The following PPP1R1C variants were observed in gnomAD, a reference collection of about 807,000 sequenced individuals.
The protein encoded by PPP1R1C is protein phosphatase 1 regulatory subunit 1C.
PPP1R1C carries 15 observed loss-of-function variants against 17.4 expected under a neutral mutation model. That is an observed-to-expected ratio of 0.86 (90% CI 0.58 to 1.33). The LOEUF (loss-of-function observed/expected upper bound fraction) is 1.33, where lower values mean the gene tolerates loss of function less well. Among genes scored for constraint, PPP1R1C ranks in the 40% most tolerant of loss-of-function variants. PPP1R1C has a pLI of 0.00. For synonymous variants in PPP1R1C, 35 were observed against 43.1 expected (o/e 0.81, Z 0.73); for missense variants, 143 against 130.0 (o/e 1.10, Z -0.48).
intron 2 of PPP1R1C, among the ~76,000 whole-genome samples, chr2:182,031,222 C>T (rs1005996309): frequency 1.3e-5 from 2 of 152,214 alleles, no homozygotes; most frequent in Admixed American, 6.5e-5. Flanking sequence ...CCTATTCGGC[C>T]ATCTTGGCTC....
chr2:181,961,850 G>C lies in PPP1R1C; in HGVS notation n.111+7216G>C. Reference sequence around the variant, plus strand: ...TCTTCGTGGTTCTTCTTCATGAAGAGCAGCTCCTCCTTGAGAGCCTCCATC... The same window carrying C: ...TCTTCGTGGTTCTTCTTCATGAAGACCAGCTCCTCCTTGAGAGCCTCCATC... On this transcript the variant is annotated intron_variant and non_coding_transcript_variant, in intron 1 of 5. Transcript: ENST00000464264. This position sits in a 1 kb window ranked among gnomAD's most constrained non-coding sequence, Gnocchi z 5.8. 1 of 896,272 alleles carries C rather than the reference G, an allele frequency of 1.1e-6. No homozygotes were observed. Among genetic ancestry groups the C allele is most frequent in the South Asian group, 1.3e-5 (1 of 77,114 alleles). 55.5% of individuals were successfully genotyped at this position (896,272 alleles called of 1,614,324 possible).
At chr2:182,090,649 G>T (rs1268012802) in intron 4 of PPP1R1C, among the ~76,000 whole-genome samples, 1 of 152,106 alleles carries the variant, frequency 6.6e-6, no homozygotes, top group African/African-American at 2.4e-5. Context: ...AAACATTCCA[G>T]ATGCAATCTT....
chr2:181,969,849 C>A (rs765079586), intron 1 of PPP1R1C, among the ~76,000 whole-genome samples: 1 of 152,176 alleles, frequency 6.6e-6, no homozygotes, highest in Non-Finnish European at 1.5e-5. Context: ...TCTTCAAGTT[C>A]ATCAGTTCTT....
intron 2 of PPP1R1C, among the ~76,000 whole-genome samples, chr2:182,032,922 T>C (rs764505410): frequency 2.0e-5 from 3 of 152,222 alleles, no homozygotes; most frequent in Non-Finnish European, 2.9e-5. Context: ...CCTCATCTTC[T>C]GCCCTTCAGA....
intron 4 of PPP1R1C, among the ~76,000 whole-genome samples, chr2:182,111,590 A>C (rs1028045478): frequency 6.6e-6 from 1 of 152,108 alleles, no homozygotes; most frequent in Non-Finnish European, 1.5e-5. Context: ...ATGAATGACA[A>C]GAGGATTGAA....
chr2:182,110,671 C>A (rs1180020236), intron 4 of PPP1R1C, among the ~76,000 whole-genome samples: 1 of 152,122 alleles, frequency 6.6e-6, no homozygotes, highest in Admixed American at 6.6e-5. Context: ...GCTGTAAATG[C>A]AACTCTCCTT....
intron 2 of PPP1R1C, among the ~76,000 whole-genome samples, chr2:182,023,165 A>T (rs568018569): frequency 6.6e-6 from 1 of 152,346 alleles, no homozygotes; most frequent in South Asian, 2.1e-4. Context: ...ACAGAAAAAA[A>T]TTTATTTGTC....
chr2:182,055,642 A>C (rs558053573), intron 2 of PPP1R1C, among the ~76,000 whole-genome samples: 1 of 152,340 alleles, frequency 6.6e-6, no homozygotes, highest in Admixed American at 6.5e-5. Flanking sequence ...TTTACTGAAT[A>C]TTGAATTCTA....
At chr2:182,014,667 T>C (rs1309172063) in intron 2 of PPP1R1C, among the ~76,000 whole-genome samples, 1 of 151,244 alleles carries the variant, frequency 6.6e-6, no homozygotes, top group Non-Finnish European at 1.5e-5. Context: ...GATCTAGAAA[T>C]GTTGTCTGGG....
chr2:182,064,047 GA>G lies in PPP1R1C; in HGVS notation c.241+257del, dbSNP rs535358604. On this transcript the variant is annotated intron_variant, in intron 4 of 4. Transcript: ENST00000682840. ...ATTCAGTTTCCAAAATAATGACAAA[GA>G]TTTTTTTTTACCGTTATTCGCATAC... 1.4e-4 allele frequency: 59 copies of G among 429,026 alleles called. No individual in the cohort carries two copies. In the South Asian group the frequency reaches 3.0e-3, roughly 22 times the overall value. The allele number at this position is 429,026 out of a possible 1,614,324, so 26.6% of individuals were successfully genotyped here. A position where few individuals can be genotyped will look rare whatever the true frequency, so the allele number is the denominator to read the frequency against.
intron 4 of PPP1R1C, among the ~76,000 whole-genome samples, chr2:182,107,956 T>C (rs931645966): frequency 6.6e-6 from 1 of 152,018 alleles, no homozygotes; most frequent in African/African-American, 2.4e-5. Flanking sequence ...GCAATATAGC[T>C]ATCCCCACCT....
intron 2 of PPP1R1C, among the ~76,000 whole-genome samples, chr2:182,003,150 A>G (rs1345744622): frequency 1.3e-5 from 2 of 152,148 alleles, no homozygotes; most frequent in African/African-American, 4.8e-5. Context: ...CTACTGTGAT[A>G]AAGATATTTG....
downstream of PPP1R1C, chr2:182,131,242 G>A (rs1007785481): frequency 3.3e-5 from 5 of 151,718 alleles, no homozygotes; most frequent in Non-Finnish European, 7.4e-5. Flanking sequence ...ATATGTGCTT[G>A]TATACATTTC....
chr2:182,061,544 G>A, intron 3 of PPP1R1C, 65 bp downstream of exon 3: 1 of 903,752 alleles, frequency 1.1e-6, no homozygotes. Flanking sequence ...AAATTTGCTT[G>A]ATTTGATGTG....
At chr2:181,997,223 C>G in intron 2 of PPP1R1C, among the ~76,000 whole-genome samples, 1 of 133,024 alleles carries the variant, frequency 7.5e-6, no homozygotes. Context: ...AGCAAGACTC[C>G]GTCTCAAAAA....
At chr2:182,124,327 G>GTTTTTTTTTTTTTTTT (rs1294464668) in intron 5 of PPP1R1C, among the ~76,000 whole-genome samples, 7 of 83,006 alleles carry the variant, frequency 8.4e-5, no homozygotes, top group East Asian at 3.4e-4. Flanking sequence ...TTTTTTTTTT[G>GTTTTTTTTTTTTTTTT]TTTTTTTTTT....
chr2:181,985,896 TG>T lies in PPP1R1C; in HGVS notation c.-210del. ...GTGCTGAGAGGATCCAAGGGATTGG[TG>T]GGGGAACAGGCAAGCCAGGCATCAC... On this transcript the variant is annotated 5_prime_UTR_variant, in exon 1 of 5. Coordinates refer to ENST00000682840, the MANE Select transcript of PPP1R1C (RefSeq NM_001080545.3). The surrounding 1 kb of genome is among the most constrained non-coding windows in gnomAD (Gnocchi z 4.1). 1.7e-6 allele frequency: 1 copy of T among 595,914 alleles called. No individual in the cohort carries two copies. The highest frequency in any genetic ancestry group is 3.0e-6 in the Non-Finnish European group (1 of 334,546). 36.9% of individuals were successfully genotyped at this position (595,914 alleles called of 1,614,324 possible).
At chr2:182,044,624 G>A (rs1687287171) in intron 2 of PPP1R1C, among the ~76,000 whole-genome samples, 2 of 152,180 alleles carry the variant, frequency 1.3e-5, no homozygotes, top group South Asian at 2.1e-4. Context: ...CACACTCGGT[G>A]CTTCGTCTGT....
intron 4 of PPP1R1C, among the ~76,000 whole-genome samples, chr2:182,112,420 T>C (rs75222867): frequency 0.016 from 2,382 of 152,280 alleles, 164 homozygotes; most frequent in Admixed American, 0.13. Context: ...TGAAAAGTTA[T>C]ACCGAAATCT....
Sources: gnomAD v4.1 joint callset for allele counts (sites outside exome capture counted in the v4.1 genomes callset) on GRCh38, gnomAD v4.1.1 for gene constraint, Gnocchi (gnomAD v3.1) non-coding constraint, MANE v1.5 for transcripts, NCBI Gene and HGNC (gene_info 2026-07-23, HGNC 2026-07-21) for gene names.